RMND5A: variants seen among roughly 807,000 people sequenced by gnomAD.
RMND5A encodes required for meiotic nuclear division 5 homolog A, also known as E3 ubiquitin-protein transferase RMND5A.
In RMND5A, 17 loss-of-function variants were observed where a neutral mutation model predicts 49.7. That is an observed-to-expected ratio of 0.34 (90% CI 0.23 to 0.51). The LOEUF is 0.51. RMND5A is among the 20% of genes least tolerant of loss of function. The pLI, the probability that RMND5A is intolerant of heterozygous loss-of-function variation, is 0.96. For missense variants in RMND5A, 255 were observed against 471.3 expected, an observed-to-expected ratio of 0.54 and a Z score of 4.25; for synonymous variants, 156 against 167.7, an observed-to-expected ratio of 0.93 and a Z score of 0.54.
chr2:86,725,611 G>C lies in RMND5A; in HGVS notation c.142+4802G>C, dbSNP rs1283332584. Among the ~76,000 whole-genome samples, 2 of 77,710 alleles carry C rather than the reference G, an allele frequency of 2.6e-5. 1 individual carries two copies. The highest frequency in any genetic ancestry group is 1.0e-4 in the African/African-American group (2 of 19,986). 51.0% of individuals were successfully genotyped at this position (77,710 alleles called of 152,430 possible). A position where few individuals can be genotyped will look rare whatever the true frequency, so the allele number is the denominator to read the frequency against. On this transcript the variant is annotated intron_variant, in intron 1 of 8. Transcript: ENST00000283632. ...TCAACATGTGGGTCAGGCTGGTCTTGAACACCTGACCTCAAGCAGTCCACG... is the reference window on the plus strand; with the variant it reads ...TCAACATGTGGGTCAGGCTGGTCTTCAACACCTGACCTCAAGCAGTCCACG...
chr2:86,753,470 T>C lies in RMND5A; in HGVS notation c.433T>C (p.Ser145Pro). 1 of 1,604,164 alleles carries C rather than the reference T, an allele frequency of 6.2e-7. No individual in the cohort carries two copies. The highest frequency in any genetic ancestry group is 2.2e-5 in the East Asian group (1 of 44,812). Residue 145 changes from serine (S) to proline (P), a missense_variant, in exon 4 of 9, where the codon TCT (serine) becomes CCT (proline). Coordinates refer to ENST00000283632, the MANE Select transcript of RMND5A (RefSeq NM_022780.4). ...TTTCTTTTTCCAGGAATCTGGTCTT[T>C]CTGTAGACCCAAGTCAGAAGGAACC... ...AEELCQESGL[S>P]VDPSQKEPFV...
Position 86,774,841 on chromosome 2 carries a change from G to T in RMND5A, c.*1430G>T, listed in dbSNP as rs1672740792. 6.6e-6 allele frequency: 1 copy of T among 152,636 alleles called. No individual in the cohort carries two copies. Among genetic ancestry groups the T allele is most frequent in the Non-Finnish European group, 1.5e-5 (1 of 68,048 alleles). The allele number at this position is 152,636 out of a possible 1,614,324, so 9.5% of individuals were successfully genotyped here. ...ACAGATGGACTTGGTTTGAGGGAGG[G>T]GGAATCACAGATTTGGTGCTAAGTT... On this transcript the variant is annotated 3_prime_UTR_variant, in exon 9 of 9. Transcript: ENST00000283632.
Position 86,777,841 on chromosome 2 carries a change from AAGT to A in RMND5A, c.*4433_*4435del, listed in dbSNP as rs1193085484. The A allele has an allele frequency of 5.9e-5, 9 of 152,212 alleles. No individual in the cohort carries two copies. The highest frequency in any genetic ancestry group is 4.1e-4 in the South Asian group (2 of 4,826). The allele number at this position is 152,212 out of a possible 1,614,324, so 9.4% of individuals were successfully genotyped here. ...TCCTCTGTTCATTTGATTTTGGAAAAAGTAGCATATCCAGTAGTTTCAGGGAAT... is the reference window on the plus strand; with the variant it reads ...TCCTCTGTTCATTTGATTTTGGAAAAAGCATATCCAGTAGTTTCAGGGAAT... On this transcript the variant is annotated 3_prime_UTR_variant, in exon 9 of 9. Coordinates refer to ENST00000283632, the MANE Select transcript of RMND5A (RefSeq NM_022780.4).
chr2:86,772,433 C>T (rs919174319), intron 8 of RMND5A, among the ~76,000 whole-genome samples: 6 of 151,910 alleles, frequency 3.9e-5, no homozygotes, highest in South Asian at 2.1e-4. Context: ...CCAGCCTGGG[C>T]GACAGAGCAA....
chr2:86,751,829 AT>A (rs1681638703), intron 2 of RMND5A, 66 bp from the exon 3 acceptor site: 14 of 1,506,078 alleles, frequency 9.3e-6, no homozygotes, highest in Admixed American at 2.0e-5. Context: ...AACAAAGACC[AT>A]TTTTTTCCTG....
At chr2:86,758,530 T>C (rs1208170732) in intron 4 of RMND5A, among the ~76,000 whole-genome samples, 5 of 152,200 alleles carry the variant, frequency 3.3e-5, no homozygotes, top group Admixed American at 1.3e-4. Context: ...CTGCTAGATA[T>C]GTTGTCCAAT....
intron 1 of RMND5A, among the ~76,000 whole-genome samples, chr2:86,732,482 T>G (rs1681348562): frequency 7.0e-6 from 1 of 142,022 alleles, no homozygotes; most frequent in South Asian, 2.2e-4. Flanking sequence ...CGAGACGTGC[T>G]TTTTTTTGAG....
At chr2:86,734,112 AG>A (rs1368802852) in intron 1 of RMND5A, among the ~76,000 whole-genome samples, 1 of 140,208 alleles carries the variant, frequency 7.1e-6, no homozygotes, top group Non-Finnish European at 1.5e-5. Flanking sequence ...CTCTCTTAAC[AG>A]GGCTTTCCCA....
At chr2:86,765,307 A>T in intron 5 of RMND5A, 114 bp downstream of exon 5, 1 of 914,392 alleles carries the variant, frequency 1.1e-6, no homozygotes, top group South Asian at 1.9e-5. Context: ...GTTGTAGTTG[A>T]TAATCACTTA....
intron 8 of RMND5A, among the ~76,000 whole-genome samples, chr2:86,772,232 G>A (rs1260932533): frequency 6.6e-6 from 1 of 152,134 alleles, no homozygotes; most frequent in African/African-American, 2.4e-5. Context: ...GGCGGATCAC[G>A]AGGTCAGGAG....
chr2:86,765,247 T>G, intron 5 of RMND5A, 54 bp downstream of exon 5: 1 of 1,463,014 alleles, frequency 6.8e-7, no homozygotes, highest in African/African-American at 1.4e-5. Flanking sequence ...TAGCCACCAC[T>G]GTAACTTAAC....
At chr2:86,749,881 T>G (rs897591619) in intron 2 of RMND5A, among the ~76,000 whole-genome samples, 1 of 152,192 alleles carries the variant, frequency 6.6e-6, no homozygotes, top group African/African-American at 2.4e-5. Context: ...GATAGCTGTT[T>G]ATAGGGAGAA....
intron 5 of RMND5A, 40 bp downstream of exon 5, chr2:86,765,233 G>A (rs369188292): frequency 7.0e-5 from 108 of 1,537,668 alleles, no homozygotes; most frequent in Non-Finnish European, 9.1e-5. Flanking sequence ...TTGAAACAGG[G>A]CTATAGCCAC....
chr2:86,742,362 A>G (rs369731500), intron 2 of RMND5A, among the ~76,000 whole-genome samples: 3 of 151,692 alleles, frequency 2.0e-5, no homozygotes, highest in East Asian at 3.9e-4. Context: ...GACTTTGGGG[A>G]GATTGTGAAA....
At chr2:86,757,386 A>G (rs990170070) in intron 4 of RMND5A, among the ~76,000 whole-genome samples, 4 of 151,874 alleles carry the variant, frequency 2.6e-5, no homozygotes, top group Admixed American at 6.6e-5. Flanking sequence ...TTTTATGCTC[A>G]CCCAGATTGT....
chr2:86,742,939 C>T (rs1231538506), intron 2 of RMND5A, among the ~76,000 whole-genome samples: 1 of 151,974 alleles, frequency 6.6e-6, no homozygotes, highest in African/African-American at 2.4e-5. Flanking sequence ...GGGCTACTGA[C>T]CAGGATCTGG....
intron 4 of RMND5A, among the ~76,000 whole-genome samples, chr2:86,762,504 A>C (rs1672511020): frequency 6.6e-6 from 1 of 151,548 alleles, no homozygotes; most frequent in East Asian, 1.9e-4. Context: ...AATGAGCTGG[A>C]TGCAGTGGTG....
At position 86,773,563 on chromosome 2, in the gene RMND5A, C is replaced by T; in HGVS notation, c.*152C>T. ...TTGCCAACCTGTTAGTGTACACACACTGAGGGGAGTGCTCCCGGTGAATAT... is the reference window on the plus strand; with the variant it reads ...TTGCCAACCTGTTAGTGTACACACATTGAGGGGAGTGCTCCCGGTGAATAT... On this transcript the variant is annotated 3_prime_UTR_variant, in exon 9 of 9. Transcript: ENST00000283632. 1.9e-6 allele frequency: 1 copy of T among 515,436 alleles called. No homozygotes were observed. Among genetic ancestry groups the T allele is most frequent in the East Asian group, 3.0e-5 (1 of 33,762 alleles). The allele number at this position is 515,436 out of a possible 1,614,324, so 31.9% of individuals were successfully genotyped here.
intron 4 of RMND5A, 74 bp downstream of exon 4, chr2:86,753,632 A>G: frequency 1.5e-6 from 1 of 688,568 alleles, no homozygotes. Context: ...AAAACACATT[A>G]GAGATTTTTA....
Sources: allele counts gnomAD v4.1 joint callset (sites outside exome capture counted in the v4.1 genomes callset), GRCh38; gene constraint gnomAD v4.1.1; transcripts MANE v1.5; gene names NCBI Gene and HGNC (gene_info 2026-07-23, HGNC 2026-07-21).